Variants in WDR27 observed in about 807,000 individuals in gnomAD.
WDR27 encodes WD repeat-containing protein 27.
WDR27 carries 100 observed loss-of-function variants against 114.4 expected under a neutral mutation model. The observed-to-expected ratio is 0.87, with a 90% CI of 0.74 to 1.03. WDR27 has a LOEUF of 1.03. Among genes scored for constraint, WDR27 ranks in the 50% least tolerant of loss-of-function variants. The pLI, the probability that WDR27 is intolerant of heterozygous loss-of-function variation, is 0.00. For synonymous variants in WDR27, 449 were observed against 423.1 expected (o/e 1.06, Z -0.75); for missense variants, 1,129 against 1,092.9 (o/e 1.03, Z -0.47).
At chr6:169,444,990 G>C in the WDR27 span, among the ~76,000 whole-genome samples, 2 of 152,206 alleles carry the variant, frequency 1.3e-5, no homozygotes, top group Admixed American at 1.3e-4. Context: ...GATCAAGTGT[G>C]TTCAAACAGG....
At chr6:169,564,939 G>A (rs763528866) in intron 25 of WDR27, among the ~76,000 whole-genome samples, 3 of 152,228 alleles carry the variant, frequency 2.0e-5, no homozygotes, top group Non-Finnish European at 4.4e-5. Flanking sequence ...GTGCAGAACG[G>A]GTCGGGAGTT....
At chr6:169,429,418 C>A in the WDR27 span, among the ~76,000 whole-genome samples, 1 of 144,560 alleles carries the variant, frequency 6.9e-6, no homozygotes, top group East Asian at 2.0e-4. Flanking sequence ...ATGTCTGCAA[C>A]AAGACTGAGT....
At chr6:169,669,903 G>A (rs971019950) in intron 4 of WDR27, 10 of 151,884 alleles carry the variant, frequency 6.6e-5, no homozygotes, top group African/African-American at 2.2e-4. Context: ...ATCCTTCCTC[G>A]CCTACGTTTA....
chr6:169,597,196 A>G (rs1399397989), intron 23 of WDR27, among the ~76,000 whole-genome samples: 3 of 152,222 alleles, frequency 2.0e-5, no homozygotes, highest in Non-Finnish European at 4.4e-5. Flanking sequence ...AAGTCCAACA[A>G]TGCAGTAAAA....
At chr6:169,451,414 T>G in the WDR27 span, among the ~76,000 whole-genome samples, 1 of 152,210 alleles carries the variant, frequency 6.6e-6, no homozygotes, top group Non-Finnish European at 1.5e-5. Flanking sequence ...CAGGACCTCC[T>G]GAGGCTGTGT....
chr6:169,672,143 C>T lies in WDR27; in HGVS notation c.331+112G>A, dbSNP rs987791047. 2.2e-5 allele frequency: 25 copies of T among 1,126,046 alleles called. No homozygotes were observed. The Middle Eastern group carries it at 8.9e-4, about 40-fold the overall frequency. The allele number at this position is 1,126,046 out of a possible 1,614,324, so 69.8% of individuals were successfully genotyped here. On this transcript the variant is annotated intron_variant, in intron 3 of 25. Coordinates refer to ENST00000448612, the MANE Select transcript of WDR27 (RefSeq NM_182552.5). ...GAGTACAAAATTATCCCAAACCCCC[C>T]GAGGGACTGCTGTTACCCAAGGGAA...
chr6:169,597,472 A>G (rs1385926300), intron 23 of WDR27, among the ~76,000 whole-genome samples: 1 of 152,224 alleles, frequency 6.6e-6, no homozygotes, highest in Non-Finnish European at 1.5e-5. Flanking sequence ...CAGATGAAGC[A>G]AGAAAAGACT....
rs567157157 is a variant in WDR27 at position 169,605,524 on chromosome 6, T to C, written c.2322-3203A>G. On this transcript the variant is annotated intron_variant, in intron 22 of 25. Transcript: ENST00000448612. The stretch of plus-strand genomic sequence containing the variant: ...TCAGAAGAATTAATATCATTAAAAT[T>C]AACATACTGCCCAAAGCAATCCATA... Among the ~76,000 whole-genome samples, 5 of 151,552 alleles carry C rather than the reference T, an allele frequency of 3.3e-5. No individual in the cohort carries two copies. The Middle Eastern group carries it at 0.01, about 314-fold the overall frequency.
At chr6:169,662,545 A>C (rs1464304069) in intron 8 of WDR27, 121 bp from the exon 9 acceptor site, 5 of 1,317,116 alleles carry the variant, frequency 3.8e-6, no homozygotes, top group Non-Finnish European at 1.0e-6. Flanking sequence ...CACTCGGATC[A>C]CGCGTCGAGG....
intron 25 of WDR27, 76 bp from the exon 26 acceptor site, chr6:169,457,710 A>T: frequency 8.7e-7 from 1 of 1,150,724 alleles, no homozygotes; most frequent in Admixed American, 2.3e-5. Context: ...AAATAAGCCC[A>T]AAGTGTGTTA....
intron 6 of WDR27, chr6:169,666,826 CAG>C (rs1827955737): frequency 1.0e-6 from 1 of 985,362 alleles, no homozygotes. Flanking sequence ...TGTGTTTCTA[CAG>C]AGAGCAGAAG....
chr6:169,454,095 A>G (rs1357105666), downstream of WDR27, among the ~76,000 whole-genome samples: 1 of 152,252 alleles, frequency 6.6e-6, no homozygotes, highest in African/African-American at 2.4e-5. Flanking sequence ...CCTAATGACG[A>G]CCTGAATCAA....
intron 13 of WDR27, among the ~76,000 whole-genome samples, chr6:169,654,639 AG>A (rs1823504474): frequency 6.6e-6 from 1 of 152,206 alleles, no homozygotes. Flanking sequence ...AGATGCGAAA[AG>A]CAGCAGCTTT....
At chr6:169,447,927 C>T in the WDR27 span, among the ~76,000 whole-genome samples, 2 of 152,082 alleles carry the variant, frequency 1.3e-5, no homozygotes, top group Non-Finnish European at 2.9e-5. Flanking sequence ...ACTTACTTCC[C>T]TCACCAAAAA....
intron 18 of WDR27, among the ~76,000 whole-genome samples, chr6:169,637,748 T>C (rs1363111606): frequency 6.6e-6 from 1 of 151,914 alleles, no homozygotes; most frequent in Non-Finnish European, 1.5e-5. Context: ...ACGTGGTAAG[T>C]ATAAGTGTGC....
chr6:169,629,927 CAAAAAAAA>C (rs747455041), intron 21 of WDR27, among the ~76,000 whole-genome samples: 1 of 52,424 alleles, frequency 1.9e-5, no homozygotes, highest in African/African-American at 7.4e-5. Flanking sequence ...AACTTCATCT[CAAAAAAAA>C]AAAAAAAAAA....
rs189650012 is a variant in WDR27, at chr6:169,549,660, G to T, written c.2645+22759C>A. 2.0e-5 allele frequency among the ~76,000 whole-genome samples: 3 copies of T among 152,286 alleles called. No homozygotes were observed. In the East Asian group the frequency reaches 5.8e-4, roughly 29 times the overall value. ...AGGTGAACTGATAAATAAAACTGTG[G>T]TGCATCCAGATGACAGAGTGTGATC... On this transcript the variant is annotated intron_variant, in intron 25 of 25. Transcript: ENST00000448612.
At chr6:169,442,566 A>G in the WDR27 span, among the ~76,000 whole-genome samples, 2 of 152,184 alleles carry the variant, frequency 1.3e-5, no homozygotes, top group East Asian at 1.9e-4. Context: ...CACCCTCCAC[A>G]AACAATCATT....
At chr6:169,680,556 T>C (rs1187177004) in intron 2 of WDR27, among the ~76,000 whole-genome samples, 1 of 152,206 alleles carries the variant, frequency 6.6e-6, no homozygotes, top group Non-Finnish European at 1.5e-5. Flanking sequence ...CACTCCAGCC[T>C]GGGTGACAGA....
Sources: allele counts gnomAD v4.1 joint callset (sites outside exome capture counted in the v4.1 genomes callset), GRCh38; gene constraint gnomAD v4.1.1; transcripts MANE v1.5; gene names NCBI Gene and HGNC (gene_info 2026-07-23, HGNC 2026-07-21).